Variants in DIAPH2 observed in about 807,000 individuals in gnomAD.
DIAPH2 encodes the protein protein diaphanous homolog 2.
In DIAPH2, 35 loss-of-function variants were observed where a neutral mutation model predicts 92.7. That is an observed-to-expected ratio of 0.38 (90% CI 0.29 to 0.50). The LOEUF is 0.50. DIAPH2 is among the 20% of genes least tolerant of loss of function. The probability of loss-of-function intolerance (pLI) is 0.94; values close to 1 mark genes in which losing one functional copy is unlikely to be tolerated. For synonymous variants in DIAPH2, 301 were observed against 280.4 expected (o/e 1.07, Z -0.73); for missense variants, 701 against 819.5 (o/e 0.86, Z 1.77).
chrX:96,707,085 G>A (rs1402391681), intron 1 of DIAPH2, among the ~76,000 whole-genome samples: 2 of 109,856 alleles, frequency 1.8e-5, no homozygotes, highest in East Asian at 5.9e-4. Flanking sequence ...GATCACTTGA[G>A]GTCAGGGGTT....
intron 4 of DIAPH2, among the ~76,000 whole-genome samples, chrX:96,821,618 T>C (rs991373247): frequency 8.9e-6 from 1 of 112,452 alleles, no homozygotes; most frequent in Non-Finnish European, 1.9e-5. Context: ...AATATACTAA[T>C]ATTTATAATT....
chrX:97,440,594 CAAAAAA>C (rs775916074), intron 26 of DIAPH2, among the ~76,000 whole-genome samples: 1 of 39,416 alleles, frequency 2.5e-5, no homozygotes, highest in Non-Finnish European at 4.9e-5. Context: ...CTTCGTCTCA[CAAAAAA>C]AAAAAAAAAA....
At chrX:96,931,185 A>G (rs1204644086) in intron 10 of DIAPH2, among the ~76,000 whole-genome samples, 1 of 111,118 alleles carries the variant, frequency 9.0e-6, no homozygotes, top group Non-Finnish European at 1.9e-5. Context: ...TTCCTCTTTG[A>G]TAACCTAGAT....
chrX:97,232,295 C>T (rs2068015358), intron 22 of DIAPH2, among the ~76,000 whole-genome samples: 2 of 111,609 alleles, frequency 1.8e-5, no homozygotes, highest in South Asian at 3.8e-4. Flanking sequence ...AGTGTAGTGG[C>T]GTGATCTCAG....
At chrX:97,516,154 CT>C (rs1221604749) in intron 26 of DIAPH2, among the ~76,000 whole-genome samples, 5 of 110,278 alleles carry the variant, frequency 4.5e-5, no homozygotes, top group Admixed American at 9.7e-5. Flanking sequence ...ACTCAAGAGG[CT>C]GAGGCAGGAG....
chrX:97,315,985 A>AT (rs1319093286), intron 23 of DIAPH2, among the ~76,000 whole-genome samples: 1 of 111,749 alleles, frequency 8.9e-6, no homozygotes, highest in East Asian at 2.8e-4. Flanking sequence ...CGATGATTAC[A>AT]TTTTTTAACT....
chrX:97,261,085 T>A (rs1457820900), intron 23 of DIAPH2, among the ~76,000 whole-genome samples: 2 of 112,451 alleles, frequency 1.8e-5, no homozygotes, highest in Non-Finnish European at 3.8e-5. Context: ...CTAGTTTTTG[T>A]TTGCAAGGTC....
At chrX:96,792,200 T>A (rs943070700) in intron 4 of DIAPH2, among the ~76,000 whole-genome samples, 5 of 112,242 alleles carry the variant, frequency 4.5e-5, no homozygotes, top group Non-Finnish European at 9.4e-5. Context: ...TTTTATGATA[T>A]TTACAGATCT....
chrX:97,214,022 A>T (rs1406351019), intron 22 of DIAPH2, among the ~76,000 whole-genome samples: 1 of 111,742 alleles, frequency 8.9e-6, no homozygotes, highest in Non-Finnish European at 1.9e-5. Context: ...CCCAGTAAAA[A>T]AGAAAGTGTA....
At chrX:97,501,475 CATT>C (rs1224566044) in intron 26 of DIAPH2, among the ~76,000 whole-genome samples, 3 of 112,154 alleles carry the variant, frequency 2.7e-5, no homozygotes, top group Non-Finnish European at 5.6e-5. Flanking sequence ...CATATACTGA[CATT>C]ATTTTTAAAA....
intron 20 of DIAPH2, among the ~76,000 whole-genome samples, chrX:97,107,748 CTA>C (rs1181313326): frequency 9.0e-6 from 1 of 111,725 alleles, no homozygotes; most frequent in Admixed American, 9.5e-5. Flanking sequence ...AAAAGAGTAA[CTA>C]TTTGGAAAAA....
At chrX:97,186,829 G>A (rs12857036) in intron 22 of DIAPH2, among the ~76,000 whole-genome samples, 44,744 of 110,752 alleles carry the variant, frequency 0.4, 7,951 homozygotes, top group Non-Finnish European at 0.56. Context: ...GAGGGGCTTT[G>A]CCTTGACTCC....
chrX:97,510,781 G>T lies in DIAPH2; in HGVS notation c.3241+81036G>T, dbSNP rs1409687914. On this transcript the variant is annotated intron_variant, in intron 26 of 26. Transcript: ENST00000324765. The stretch of plus-strand genomic sequence containing the variant: ...TTAAATAGGGAATCCTTTCCCCATT[G>T]CTTGTTTTTCTCAGGTTTGTCAAAG... Among the ~76,000 whole-genome samples, 483 of 94,984 alleles carry T rather than the reference G, an allele frequency of 5.1e-3. 2 individuals are homozygous for T. The highest frequency in any genetic ancestry group is 0.017 in the African/African-American group (459 of 26,625). 82.5% of individuals were successfully genotyped at this position (94,984 alleles called of 115,157 possible).
At chrX:97,593,850 C>T (rs1473687397) in intron 26 of DIAPH2, among the ~76,000 whole-genome samples, 8 of 111,411 alleles carry the variant, frequency 7.2e-5, no homozygotes, top group Non-Finnish European at 1.1e-4. Flanking sequence ...ACATATGAAA[C>T]GTTCCACCTA....
chrX:96,993,563 C>T (rs996104524), intron 17 of DIAPH2, among the ~76,000 whole-genome samples: 2 of 111,195 alleles, frequency 1.8e-5, no homozygotes, highest in South Asian at 3.8e-4. Context: ...AACCAGATCT[C>T]GTGAGAACTC....
chrX:97,553,480 G>T (rs2071234563), intron 26 of DIAPH2, among the ~76,000 whole-genome samples: 2 of 110,440 alleles, frequency 1.8e-5, no homozygotes, highest in Admixed American at 9.7e-5. Flanking sequence ...AAACATAATG[G>T]ATGTTTTACT....
rs760811055 is a variant in DIAPH2 at position 97,599,337 on chromosome X, T to C, written c.*20T>C. ...AAGTGATTCCTGATGCCAAAGAATA[T>C]GAAAATATTTAAGTAAAAACAAAAT... On this transcript the variant is annotated 3_prime_UTR_variant, in exon 27 of 27. Coordinates refer to ENST00000324765, the MANE Select transcript of DIAPH2 (RefSeq NM_006729.5). 9.0e-7 allele frequency: 1 copy of C among 1,111,851 alleles called. No individual in the cohort carries two copies. The highest frequency in any genetic ancestry group is 1.9e-5 in the South Asian group (1 of 51,565). 91.6% of individuals were successfully genotyped at this position (1,111,851 alleles called of 1,213,427 possible). A position where few individuals can be genotyped will look rare whatever the true frequency, so the allele number is the denominator to read the frequency against.
chrX:97,396,996 C>A (rs1213955674), intron 25 of DIAPH2, among the ~76,000 whole-genome samples: 1 of 111,750 alleles, frequency 8.9e-6, no homozygotes, highest in Admixed American at 9.5e-5. Flanking sequence ...ATCTATATTT[C>A]TTTTTTTATA....
At chrX:97,317,440 A>T (rs764971842) in intron 23 of DIAPH2, among the ~76,000 whole-genome samples, 1 of 112,129 alleles carries the variant, frequency 8.9e-6, no homozygotes, top group South Asian at 3.7e-4. Context: ...TTAAGTGATG[A>T]TTCAGTATTT....
Sources: allele counts gnomAD v4.1 joint callset (sites outside exome capture counted in the v4.1 genomes callset), GRCh38; gene constraint gnomAD v4.1.1; transcripts MANE v1.5; gene names NCBI Gene and HGNC (gene_info 2026-07-23, HGNC 2026-07-21).